The following DAB1 variants were observed in gnomAD, a reference collection of about 807,000 sequenced individuals.
The protein encoded by DAB1 is DAB adaptor protein 1.
In DAB1, 15 loss-of-function variants were observed where a neutral mutation model predicts 64.6. The observed-to-expected ratio is 0.23, with a 90% CI of 0.16 to 0.36. The LOEUF (loss-of-function observed/expected upper bound fraction) is 0.36, where lower values mean the gene tolerates loss of function less well. Among genes scored for constraint, DAB1 ranks in the 10% least tolerant of loss-of-function variants. The pLI is 1.00. For synonymous variants in DAB1, 235 were observed against 251.9 expected (o/e 0.93, Z 0.64); for missense variants, 596 against 706.7 (o/e 0.84, Z 1.78).
At chr1:57,305,899 G>A (rs1427434722) in intron 1 of DAB1, among the ~76,000 whole-genome samples, 3 of 150,092 alleles carry the variant, frequency 2.0e-5, no homozygotes, top group South Asian at 2.1e-4. Flanking sequence ...AACCTGGGAG[G>A]CAGAGCTTGC....
chr1:57,839,353 C>T (rs1208908181), intron 1 of DAB1, among the ~76,000 whole-genome samples: 2 of 152,104 alleles, frequency 1.3e-5, no homozygotes, highest in Non-Finnish European at 2.9e-5. Context: ...ATTGTCTGTG[C>T]CAACATTCCT....
At chr1:57,514,351 T>G (rs1041423233) in intron 7 of DAB1, among the ~76,000 whole-genome samples, 1 of 152,234 alleles carries the variant, frequency 6.6e-6, no homozygotes, top group African/African-American at 2.4e-5. Context: ...TTATGTTTCA[T>G]CTTTTTGATA....
rs563273487 is a variant in DAB1, at chr1:58,464,418, C to T, written n.257+41642G>A. 6.6e-5 allele frequency among the ~76,000 whole-genome samples: 10 copies of T among 152,226 alleles called. No individual in the cohort carries two copies. The East Asian group carries it at 1.9e-3, about 29-fold the overall frequency. On this transcript the variant is annotated intron_variant and non_coding_transcript_variant, in intron 3 of 20. Transcript: ENST00000485760. ...ATGGAATGAAGTGGGATCGTGTCCCCTGTCCTTGAGGTTTTTATATTCTAA... is the reference window on the plus strand; with the variant it reads ...ATGGAATGAAGTGGGATCGTGTCCCTTGTCCTTGAGGTTTTTATATTCTAA...
chr1:57,391,629 A>C (rs1682361046), intron 1 of DAB1, among the ~76,000 whole-genome samples: 1 of 152,192 alleles, frequency 6.6e-6, no homozygotes. Context: ...GAAAACAAGA[A>C]GACTACAATA....
rs146341945 is a variant in DAB1 at position 57,107,053 on chromosome 1, C to T, written c.306+29490G>A. 3.3e-5 allele frequency among the ~76,000 whole-genome samples: 5 copies of T among 151,942 alleles called. No individual in the cohort carries two copies. In the East Asian group the frequency reaches 5.8e-4, roughly 18 times the overall value. On this transcript the variant is annotated intron_variant, in intron 4 of 14. Transcript: ENST00000371236. ...TAGATAAGGTGATGAAGGCATAGTA[C>T]GTAAAAAGATTTCCCCAAGTATTAA...
intron 2 of DAB1, among the ~76,000 whole-genome samples, chr1:57,191,858 G>A (rs1332827500): frequency 6.6e-6 from 1 of 152,092 alleles, no homozygotes; most frequent in Non-Finnish European, 1.5e-5. Context: ...GTATGTAGAT[G>A]ATAATACCTA....
intron 2 of DAB1, among the ~76,000 whole-genome samples, chr1:57,252,249 A>G (rs1570058034): frequency 6.6e-6 from 1 of 152,114 alleles, no homozygotes; most frequent in Non-Finnish European, 1.5e-5. Flanking sequence ...ATATTCTCCC[A>G]TTTGATTCTG....
chr1:58,447,979 C>T (rs1403170572), intron 3 of DAB1, among the ~76,000 whole-genome samples: 1 of 151,874 alleles, frequency 6.6e-6, no homozygotes, highest in Non-Finnish European at 1.5e-5. Context: ...CTTGCCATTC[C>T]CCCGGGGGAA....
chr1:58,080,686 G>A (rs1254780566), intron 5 of DAB1, among the ~76,000 whole-genome samples: 1 of 152,182 alleles, frequency 6.6e-6, no homozygotes, highest in African/African-American at 2.4e-5. Context: ...GTTTTGTCTT[G>A]AAGGCTGAGA....
chr1:57,761,892 C>T (rs1374975234), intron 6 of DAB1, among the ~76,000 whole-genome samples: 2 of 152,148 alleles, frequency 1.3e-5, no homozygotes, highest in Non-Finnish European at 2.9e-5. Flanking sequence ...GATGCAGAGC[C>T]CTGTTGGTGA....
intron 1 of DAB1, among the ~76,000 whole-genome samples, chr1:57,343,227 A>T (rs1478310651): frequency 6.6e-6 from 1 of 152,184 alleles, no homozygotes; most frequent in Non-Finnish European, 1.5e-5. Context: ...CAGAGTGTCA[A>T]TTGGTGCATT....
intron 1 of DAB1, among the ~76,000 whole-genome samples, chr1:57,296,520 CT>C (rs1311920564): frequency 2.0e-5 from 3 of 152,004 alleles, no homozygotes; most frequent in Non-Finnish European, 4.4e-5. Context: ...CCTGAAATAT[CT>C]TGTTATTCCA....
chr1:57,682,973 C>A (rs1028947702), intron 6 of DAB1, among the ~76,000 whole-genome samples: 2 of 152,176 alleles, frequency 1.3e-5, no homozygotes, highest in Admixed American at 1.3e-4. Context: ...TGCAGCCCAG[C>A]CTGAGTACCC....
chr1:57,356,621 T>C (rs551179244), intron 1 of DAB1, among the ~76,000 whole-genome samples: 2 of 152,186 alleles, frequency 1.3e-5, no homozygotes, highest in South Asian at 2.1e-4. Flanking sequence ...CTCCCTAGGA[T>C]ATTTCTAAGT....
chr1:57,865,180 C>A (rs1194068075), intron 1 of DAB1: 1 of 152,254 alleles, frequency 6.6e-6, no homozygotes, highest in East Asian at 1.9e-4. Context: ...GCATATCTGC[C>A]TCTTCAAAAC....
intron 6 of DAB1, among the ~76,000 whole-genome samples, chr1:57,806,798 A>G (rs1651382575): frequency 6.6e-6 from 1 of 152,202 alleles, no homozygotes; most frequent in African/African-American, 2.4e-5. Flanking sequence ...TTTACCAAAA[A>G]TTAACACATT....
intron 4 of DAB1, among the ~76,000 whole-genome samples, chr1:58,328,505 TTGCCGCAGCAGCCACAC>T (rs1662892764): frequency 6.6e-6 from 1 of 152,178 alleles, no homozygotes; most frequent in Non-Finnish European, 1.5e-5. Context: ...CCCAGGCCCT[TTGCCGCAGCAGCCACAC>T]TCCCTGTGCT....
At chr1:58,249,832 C>T (rs1011804933) in intron 4 of DAB1, among the ~76,000 whole-genome samples, 1 of 152,202 alleles carries the variant, frequency 6.6e-6, no homozygotes, top group Non-Finnish European at 1.5e-5. Context: ...CCTGGCGCTC[C>T]GGCCACAACT....
chr1:57,694,037 C>T (rs932178275), intron 6 of DAB1, among the ~76,000 whole-genome samples: 1 of 152,150 alleles, frequency 6.6e-6, no homozygotes, highest in African/African-American at 2.4e-5. Context: ...TTGCCCAGAT[C>T]AATGTCCTGG....
Sources: allele counts gnomAD v4.1 joint callset (sites outside exome capture counted in the v4.1 genomes callset), GRCh38; gene constraint gnomAD v4.1.1; transcripts MANE v1.5; gene names NCBI Gene and HGNC (gene_info 2026-07-23, HGNC 2026-07-21).